FAM120C: variants seen among roughly 807,000 people sequenced by gnomAD.
FAM120C encodes constitutive coactivator of PPAR-gamma-like protein 2.
In FAM120C, 14 loss-of-function variants were observed where a neutral mutation model predicts 71.2. The ratio of observed to expected loss-of-function variants is 0.20; its 90% CI spans 0.13 to 0.31. The LOEUF is 0.31. FAM120C is among the 10% of genes least tolerant of loss of function. FAM120C has a pLI of 1.00. For missense variants in FAM120C, 500 were observed against 879.0 expected, an observed-to-expected ratio of 0.57 and a Z score of 5.45; for synonymous variants, 354 against 353.2, an observed-to-expected ratio of 1.00 and a Z score of -0.03.
intron 1 of FAM120C, among the ~76,000 whole-genome samples, chrX:54,175,281 AAATT>A (rs1349684624): frequency 2.7e-5 from 3 of 111,704 alleles, no homozygotes; most frequent in Non-Finnish European, 3.8e-5. Context: ...TTGGCTGAAT[AAATT>A]AATTCCGTTG....
intron 10 of FAM120C, among the ~76,000 whole-genome samples, chrX:54,110,297 T>C (rs183693536): frequency 1.5e-3 from 162 of 109,654 alleles, no homozygotes; most frequent in African/African-American, 5.1e-3. Flanking sequence ...CAGAAAAATA[T>C]CTTTATGACT....
intron 4 of FAM120C, among the ~76,000 whole-genome samples, chrX:54,138,202 A>G (rs2067103825): frequency 8.9e-6 from 1 of 111,818 alleles, no homozygotes; most frequent in African/African-American, 3.3e-5. Flanking sequence ...GAAGGGAGAC[A>G]CAAAAGAGTA....
At chrX:54,088,705 A>G (rs1557122302) in intron 11 of FAM120C, among the ~76,000 whole-genome samples, 1 of 110,341 alleles carries the variant, frequency 9.1e-6, no homozygotes, top group Admixed American at 9.8e-5. Flanking sequence ...AAACTTGCAG[A>G]TACCAGCACC....
intron 10 of FAM120C, among the ~76,000 whole-genome samples, chrX:54,109,604 G>T (rs999556880): frequency 1.9e-4 from 20 of 104,874 alleles, no homozygotes; most frequent in Non-Finnish European, 3.3e-4. Context: ...GACAGAGCAA[G>T]ACCCTGGCTA....
intron 11 of FAM120C, among the ~76,000 whole-genome samples, chrX:54,089,967 A>G (rs2066815694): frequency 9.0e-6 from 1 of 110,513 alleles, no homozygotes; most frequent in Non-Finnish European, 1.9e-5. Flanking sequence ...CTTGAAAAAA[A>G]AAAAATAGTG....
intron 12 of FAM120C, among the ~76,000 whole-genome samples, chrX:54,087,024 C>T (rs2066798230): frequency 9.1e-6 from 1 of 109,839 alleles, no homozygotes; most frequent in Non-Finnish European, 1.9e-5. Flanking sequence ...GTTTCCTTTC[C>T]CTTGCCTCCC....
In FAM120C at chrX:54,085,570, A is replaced by G. The variant is rs1557121860; in HGVS notation, c.2839+145T>C. The G allele has an allele frequency of 9.2e-6, 5 of 545,448 alleles. No individual in the cohort carries two copies. In the African/African-American group the frequency reaches 1.2e-4, roughly 13 times the overall value. The allele number at this position is 545,448 out of a possible 1,213,427, so 45.0% of individuals were successfully genotyped here. A position where few individuals can be genotyped will look rare whatever the true frequency, so the allele number is the denominator to read the frequency against. On this transcript the variant is annotated intron_variant, in intron 13 of 15. Coordinates refer to ENST00000375180, the MANE Select transcript of FAM120C (RefSeq NM_017848.6). ...CTATTGCACTCCAGCCTGGGCGACA[A>G]GAGTGAAACTCCGTCTAAAAAAAAA...
rs781865593 is a variant in FAM120C at position 54,068,594 on chromosome X, A to G, written c.*4439T>C. On this transcript the variant is annotated 3_prime_UTR_variant, in exon 16 of 16. Coordinates refer to ENST00000375180, the MANE Select transcript of FAM120C (RefSeq NM_017848.6). Reference sequence around the variant, plus strand: ...ATCTGGGAGTGGGAAAGAGAAATACATATTATCCATCCACTAAACACACTG... The same window carrying G: ...ATCTGGGAGTGGGAAAGAGAAATACGTATTATCCATCCACTAAACACACTG... The G allele has an allele frequency of 9.0e-6, 1 of 111,641 alleles. No homozygotes were observed. Among genetic ancestry groups the G allele is most frequent in the East Asian group, 2.8e-4 (1 of 3,582 alleles). The allele number at this position is 111,641 out of a possible 1,213,427, so 9.2% of individuals were successfully genotyped here.
intron 1 of FAM120C, among the ~76,000 whole-genome samples, chrX:54,159,987 T>G (rs2067228273): frequency 9.0e-6 from 1 of 110,595 alleles, no homozygotes; most frequent in South Asian, 3.9e-4. Flanking sequence ...ACAGCGTTTG[T>G]GTTTATTCCC....
intron 3 of FAM120C, among the ~76,000 whole-genome samples, chrX:54,152,848 T>A (rs1397879571): frequency 8.9e-6 from 1 of 112,038 alleles, no homozygotes; most frequent in Non-Finnish European, 1.9e-5. Context: ...GGAGCTTAAA[T>A]TCTAGTGTAG....
chrX:54,073,731 C>T (rs1275747906), intron 15 of FAM120C, among the ~76,000 whole-genome samples: 2 of 107,627 alleles, frequency 1.9e-5, no homozygotes, highest in African/African-American at 6.8e-5. Flanking sequence ...CACACCCAGC[C>T]GGATACCTAG....
chrX:54,164,543 G>A (rs1304789115), intron 1 of FAM120C, among the ~76,000 whole-genome samples: 4 of 111,894 alleles, frequency 3.6e-5, no homozygotes, highest in Non-Finnish European at 7.5e-5. Context: ...ATTTCACTTA[G>A]CATAATGTCC....
At chrX:54,168,873 C>G (rs1457346906) in intron 1 of FAM120C, among the ~76,000 whole-genome samples, 1 of 112,117 alleles carries the variant, frequency 8.9e-6, no homozygotes, top group East Asian at 2.8e-4. Context: ...TCATTCATCC[C>G]CCTCCCTCTC....
At chrX:54,135,422 A>G in intron 6 of FAM120C, 106 bp downstream of exon 6, 1 of 697,393 alleles carries the variant, frequency 1.4e-6, no homozygotes, top group South Asian at 2.7e-5. Flanking sequence ...TAGTATATAT[A>G]GCCCTGACAG....
At chrX:54,157,420 A>G (rs951151454) in intron 3 of FAM120C, among the ~76,000 whole-genome samples, 179 of 110,362 alleles carry the variant, frequency 1.6e-3, no homozygotes, top group African/African-American at 5.8e-3. Flanking sequence ...ACGCTCAGCT[A>G]ATTTTTGTAT....
intron 1 of FAM120C, among the ~76,000 whole-genome samples, chrX:54,169,687 T>C (rs2067277580): frequency 8.9e-6 from 1 of 111,953 alleles, no homozygotes; most frequent in African/African-American, 3.2e-5. Context: ...AAATCAGAGA[T>C]AGTAAGGAAG....
intron 1 of FAM120C, chrX:54,174,184 AAG>A (rs781920600): frequency 2.2e-5 from 11 of 510,990 alleles, no homozygotes; most frequent in Non-Finnish European, 2.8e-5. Flanking sequence ...GCCAGAGAGA[AAG>A]AGAGAGAGAG....
At chrX:54,103,645 T>C (rs2146578447) in intron 10 of FAM120C, among the ~76,000 whole-genome samples, 1 of 111,891 alleles carries the variant, frequency 8.9e-6, no homozygotes, top group Admixed American at 9.6e-5. Flanking sequence ...AAGGATCTTA[T>C]TCATTATTAT....
intron 1 of FAM120C, among the ~76,000 whole-genome samples, chrX:54,163,632 T>C (rs2067244644): frequency 9.0e-6 from 1 of 111,714 alleles, no homozygotes; most frequent in East Asian, 2.8e-4. Context: ...CATTAAATTG[T>C]ATACTTTAAA....
Sources: allele counts gnomAD v4.1 joint callset (sites outside exome capture counted in the v4.1 genomes callset), GRCh38; gene constraint gnomAD v4.1.1; transcripts MANE v1.5; gene names NCBI Gene and HGNC (gene_info 2026-07-23, HGNC 2026-07-21).